TMF1: variants seen among roughly 807,000 people sequenced by gnomAD.
TMF1 encodes TATA element modulatory factor 1.
In TMF1, 71 loss-of-function variants were observed where a neutral mutation model predicts 126.5. That is an observed-to-expected ratio of 0.56 (90% confidence interval 0.46 to 0.68). TMF1 has a LOEUF of 0.68. TMF1 is among the 30% of genes least tolerant of loss of function. TMF1 has a pLI of 0.00. For missense variants in TMF1, 1,259 were observed against 1,253.2 expected (o/e 1.00, Z -0.07); for synonymous variants, 461 against 430.5 (o/e 1.07, Z -0.88).
At position 69,039,610 on chromosome 3, in the gene TMF1, C is replaced by T. The variant is rs546704179; in HGVS notation, c.1768G>A (p.Val590Ile). 6.2e-7 allele frequency: 1 copy of T among 1,613,628 alleles called. No homozygotes were observed. Among genetic ancestry groups the T allele is most frequent in the African/African-American group, 1.3e-5 (1 of 74,994 alleles). The part of the protein sequence containing the change: ...RAKDKENENM[V>I]AKLNKKVKEL... The stretch of plus-strand genomic sequence containing the variant: ...TTAACTTTTTTGTTCAGCTTTGCAA[C>T]CATATTTTCATTCTCCTTGTCTTTA... The change falls in exon 6 of 17, where the codon GTT becomes ATT. Residue 590 changes from valine to isoleucine, a missense_variant. Transcript: ENST00000398559.
At chr3:69,042,610 AAAAGCTAG>A (rs1409711686) in intron 5 of TMF1, 189 bp downstream of exon 5, 1 of 680,576 alleles carries the variant, frequency 1.5e-6, no homozygotes, top group Admixed American at 2.0e-5. Context: ...TCCAAAAAAC[AAAAGCTAG>A]AAACACGTAT....
In TMF1 at chr3:69,052,197, G is replaced by T; in HGVS notation, c.-111C>A. 2.4e-6 allele frequency: 3 copies of T among 1,267,886 alleles called. No homozygotes were observed. The highest frequency in any genetic ancestry group is 3.2e-6 in the Non-Finnish European group (3 of 940,892). The allele number at this position is 1,267,886 out of a possible 1,614,324, so 78.5% of individuals were successfully genotyped here. On this transcript the variant is annotated 5_prime_UTR_variant, in exon 1 of 17. Transcript: ENST00000398559. ...TCCCCTTTTCCACTCGGCTGGTTCTGTCAGCGTGTGGCCATTACCCCGACA... is the reference window on the plus strand; with the variant it reads ...TCCCCTTTTCCACTCGGCTGGTTCTTTCAGCGTGTGGCCATTACCCCGACA...
chr3:69,033,956 G>GGC, intron 9 of TMF1: 1 of 267,440 alleles, frequency 3.7e-6, no homozygotes, highest in Non-Finnish European at 7.0e-6. Flanking sequence ...TGGGACTACA[G>GGC]GTACACGCCA....
chr3:69,034,794 T>C (rs995921078), intron 9 of TMF1, among the ~76,000 whole-genome samples: 3 of 152,172 alleles, frequency 2.0e-5, no homozygotes, highest in African/African-American at 7.2e-5. Flanking sequence ...TGAATACATA[T>C]AACAAATCTA....
At position 69,026,034 on chromosome 3, in the gene TMF1, C is replaced by A; in HGVS notation, c.2821G>T (p.Val941Phe). 6.2e-7 allele frequency: 1 copy of A among 1,614,052 alleles called. No individual in the cohort carries two copies. The highest frequency in any genetic ancestry group is 1.6e-4 in the Middle Eastern group (1 of 6,062). ...TMSRSSSISGVDMAGLQTSFL... is the reference protein window; with the variant it reads ...TMSRSSSISGFDMAGLQTSFL... ...GATGTCTGTAGTCCTGCCATATCAA[C>A]ACCACTTATTGAACTTGAGCGTGAC... Residue 941 changes from valine to phenylalanine, a missense_variant, in exon 14 of 17, where the codon GTT becomes TTT. Val to Phe is a conservative substitution (Grantham distance 50, BLOSUM62 -1). Coordinates refer to ENST00000398559, the MANE Select transcript of TMF1 (RefSeq NM_007114.3).
Position 69,052,177 on chromosome 3 carries a change from T to A in TMF1, c.-91A>T. The A allele has an allele frequency of 7.2e-7, 1 of 1,380,676 alleles. No individual in the cohort carries two copies. The highest frequency in any genetic ancestry group is 9.7e-7 in the Non-Finnish European group (1 of 1,035,104). 85.5% of individuals were successfully genotyped at this position (1,380,676 alleles called of 1,614,324 possible). ...GTGCAGAGGAACGGCTTCGCTCCCC[T>A]TTTCCACTCGGCTGGTTCTGTCAGC... is the stretch of plus-strand genomic sequence containing the variant. On this transcript the variant is annotated 5_prime_UTR_variant, in exon 1 of 17. The change creates a new upstream start codon in the 5' untranslated region. Transcript: ENST00000398559.
At position 69,047,337 on chromosome 3, in the gene TMF1, C is replaced by G. The variant is rs373359359; in HGVS notation, c.1347+21G>C. 1.1e-5 allele frequency: 16 copies of G among 1,523,680 alleles called. No homozygotes were observed. In the Middle Eastern group the frequency reaches 5.2e-4, roughly 50 times the overall value. 94.4% of individuals were successfully genotyped at this position (1,523,680 alleles called of 1,614,324 possible). ...TCTCCAAAAAGCACATCTAAAAATC[C>G]CTTCCACTTACTAGAGTTACCTTGC... On this transcript the variant is annotated intron_variant, in intron 2 of 16. Coordinates refer to ENST00000398559, the MANE Select transcript of TMF1 (RefSeq NM_007114.3).
chr3:69,042,253 G>C, intron 5 of TMF1: 3 of 435,680 alleles, frequency 6.9e-6, no homozygotes, highest in South Asian at 4.9e-5. Flanking sequence ...GGCCAGGCTT[G>C]TCTCGAACTC....
rs865989409 is a variant in TMF1, at chr3:69,036,475, G to A, written c.2152-1360C>T. 2.6e-5 allele frequency among the ~76,000 whole-genome samples: 4 copies of A among 152,314 alleles called. No individual in the cohort carries two copies. In the South Asian group the frequency reaches 8.3e-4, roughly 32 times the overall value. On this transcript the variant is annotated intron_variant, in intron 8 of 16. Coordinates refer to ENST00000398559, the MANE Select transcript of TMF1 (RefSeq NM_007114.3). ...TTATGTAAAAAGGATGTAGGAGACAGAAATAGGTGTATAAGCGAATGTGTA... is the reference window on the plus strand; with the variant it reads ...TTATGTAAAAAGGATGTAGGAGACAAAAATAGGTGTATAAGCGAATGTGTA...
intron 5 of TMF1, chr3:69,042,450 T>C (rs1426172112): frequency 6.4e-6 from 3 of 466,554 alleles, no homozygotes; most frequent in Non-Finnish European, 1.3e-5. Flanking sequence ...ATACAGTACT[T>C]AAGCTAGGTA....
At chr3:69,044,021 GA>G (rs981655529) in intron 3 of TMF1, 145 bp from the exon 4 acceptor site, 27 of 505,930 alleles carry the variant, frequency 5.3e-5, no homozygotes, top group South Asian at 4.4e-4. Flanking sequence ...TAACTTTTAA[GA>G]AAAAAAAAGG....
In TMF1 at chr3:69,048,280, G is replaced by T; in HGVS notation, c.425C>A (p.Ser142Ter). The T allele has an allele frequency of 6.2e-7, 1 of 1,614,192 alleles. No homozygotes were observed. The highest frequency in any genetic ancestry group is 1.1e-5 in the South Asian group (1 of 91,078). ...TGATTCAGTTGTTTCAGGAGTTCTTGACTGGCCAATGTGCAAGGATTCATG... is the reference window on the plus strand; with the variant it reads ...TGATTCAGTTGTTTCAGGAGTTCTTTACTGGCCAATGTGCAAGGATTCATG... Reference protein sequence around the residue: ...SLHESLHIGQSRTPETTESQV... With the variant: ...SLHESLHIGQ The change falls in exon 2 of 17, where the codon TCA becomes TAA. Residue 142 changes from serine (S) to a stop codon, truncating the protein, a stop_gained. Coordinates refer to ENST00000398559, the MANE Select transcript of TMF1 (RefSeq NM_007114.3). LOFTEE classifies it high-confidence loss of function.
chr3:69,043,976 T>C lies in TMF1; in HGVS notation c.1452-100A>G. ...AAAGGAAGATAACTTTTCTCTGACA[T>C]ATACCTTATTAAAATAGAACAGTTT... is the stretch of plus-strand genomic sequence containing the variant. On this transcript the variant is annotated intron_variant, in intron 3 of 16. Coordinates refer to ENST00000398559, the MANE Select transcript of TMF1 (RefSeq NM_007114.3). 5.5e-6 allele frequency: 5 copies of C among 917,226 alleles called. No homozygotes were observed. The South Asian group carries it at 7.8e-5, about 14-fold the overall frequency. 56.8% of individuals were successfully genotyped at this position (917,226 alleles called of 1,614,324 possible).
In TMF1 at chr3:69,047,841, C is replaced by A; in HGVS notation, c.864G>T (p.Leu288Phe). Residue 288 changes from leucine (L) to phenylalanine (F), a missense_variant, in exon 2 of 17, where the codon TTG becomes TTT. Transcript: ENST00000398559. ...AGAGAAGCTGAAAAGATGTCTGCATCAAGTGAAGACTTGATTTTGAATCTG... is the reference window on the plus strand; with the variant it reads ...AGAGAAGCTGAAAAGATGTCTGCATAAAGTGAAGACTTGATTTTGAATCTG... ...ETTDSKSSLH[L>F]MQTSFQLLSA... is the part of the protein sequence containing the mutation. 6.2e-7 allele frequency: 1 copy of A among 1,614,022 alleles called. No individual in the cohort carries two copies. Among genetic ancestry groups the A allele is most frequent in the South Asian group, 1.1e-5 (1 of 91,070 alleles).
At chr3:69,040,345 T>C (rs535048859) in intron 5 of TMF1, 11 of 152,398 alleles carry the variant, frequency 7.2e-5, no homozygotes, top group African/African-American at 2.4e-4. Flanking sequence ...TATGCTGGAT[T>C]ACACTTCTGA....
chr3:69,042,775 A>G (rs377564520), intron 5 of TMF1, 32 bp downstream of exon 5: 66 of 1,549,672 alleles, frequency 4.3e-5, no homozygotes, highest in Non-Finnish European at 1.8e-5. Flanking sequence ...TTCTTACAGT[A>G]TTTTTCATAG....
Position 69,020,525 on chromosome 3 carries a change from A to G in TMF1, c.*2652T>C, listed in dbSNP as rs2091723872. The G allele has an allele frequency of 6.6e-6, 1 of 152,158 alleles. No homozygotes were observed. Among genetic ancestry groups the G allele is most frequent in the South Asian group, 2.1e-4 (1 of 4,828 alleles). 9.4% of individuals were successfully genotyped at this position (152,158 alleles called of 1,614,324 possible). A position where few individuals can be genotyped will look rare whatever the true frequency, so the allele number is the denominator to read the frequency against. On this transcript the variant is annotated 3_prime_UTR_variant, in exon 17 of 17. Transcript: ENST00000398559. ...TTTTCTTTCAAGAATGGAAACATCT[A>G]ATTGCAAATCATTTTCCTATCCATT...
rs567756306 is a variant in TMF1, at chr3:69,025,372, G to A, written c.3012+188C>T. 64 of 516,812 alleles carry A rather than the reference G, an allele frequency of 1.2e-4. No homozygotes were observed. In the South Asian group the frequency reaches 2.0e-3, roughly 16 times the overall value. The allele number at this position is 516,812 out of a possible 1,614,324, so 32.0% of individuals were successfully genotyped here. A position where few individuals can be genotyped will look rare whatever the true frequency, so the allele number is the denominator to read the frequency against. On this transcript the variant is annotated intron_variant, in intron 15 of 16. Coordinates refer to ENST00000398559, the MANE Select transcript of TMF1 (RefSeq NM_007114.3). ...TTCTGGCAATTAGCAGGTTCAGTTG[G>A]CTGTTATCCTTAGCTAATTTCTCTT... is the stretch of plus-strand genomic sequence containing the variant.
chr3:69,033,490 A>T, intron 10 of TMF1, 58 bp downstream of exon 10: 1 of 1,525,120 alleles, frequency 6.6e-7, no homozygotes. Flanking sequence ...CCATTATTCT[A>T]ATTCTATAAA....
Sources: gnomAD v4.1 joint callset for allele counts (sites outside exome capture counted in the v4.1 genomes callset) on GRCh38, gnomAD v4.1.1 for gene constraint, MANE v1.5 for transcripts, NCBI Gene and HGNC (gene_info 2026-07-23, HGNC 2026-07-21) for gene names.